Variants in FAM163A observed in about 807,000 individuals in gnomAD.
FAM163A encodes the protein family with sequence similarity 163 member A.
In FAM163A, 7 loss-of-function variants were observed where a neutral mutation model predicts 12.0. The observed-to-expected ratio is 0.58, with a 90% confidence interval of 0.33 to 1.10. The LOEUF (loss-of-function observed/expected upper bound fraction) is 1.10, where lower values mean the gene tolerates loss of function less well. Ranked by LOEUF, FAM163A falls within the 50% of genes least tolerant of loss-of-function variation. The pLI, the probability that FAM163A is intolerant of heterozygous loss-of-function variation, is 0.03. For synonymous variants in FAM163A, 101 were observed against 91.0 expected, an observed-to-expected ratio of 1.11 and a Z score of -0.62; for missense variants, 202 against 218.6, an observed-to-expected ratio of 0.92 and a Z score of 0.48.
chr1:179,796,166 C>G (rs892820699), intron 1 of FAM163A, among the ~76,000 whole-genome samples: 2 of 150,760 alleles, frequency 1.3e-5, no homozygotes, highest in African/African-American at 4.9e-5. Flanking sequence ...CACACACAAA[C>G]TTAAGGTTTG....
At chr1:179,753,228 G>GT (rs1456644938) in intron 1 of FAM163A, among the ~76,000 whole-genome samples, 2 of 152,198 alleles carry the variant, frequency 1.3e-5, no homozygotes, top group African/African-American at 4.8e-5. Flanking sequence ...GACAAATACT[G>GT]TATCATTCCA....
Position 179,749,172 on chromosome 1 carries a change from A to G in FAM163A, c.-136+5749A>G, listed in dbSNP as rs1684911539. On this transcript the variant is annotated intron_variant, in intron 1 of 4. Coordinates refer to ENST00000341785, the MANE Select transcript of FAM163A (RefSeq NM_173509.3). The stretch of plus-strand genomic sequence containing the variant: ...TGTTTGTTTATTCTCTCATTCATCT[A>G]CTCTTGCATTCCAAAAACATGATCT... 2.0e-5 allele frequency among the ~76,000 whole-genome samples: 3 copies of G among 151,922 alleles called. 1 individual carries two copies.
Position 179,814,502 on chromosome 1 carries a change from C to T in FAM163A, c.*313C>T. ...ACCCCTTGCAGTGTGCCCCAGTCCCCTGGATTCGCTGGACTGCAAAAAGGA... is the reference window on the plus strand; with the variant it reads ...ACCCCTTGCAGTGTGCCCCAGTCCCTTGGATTCGCTGGACTGCAAAAAGGA... On this transcript the variant is annotated 3_prime_UTR_variant, in exon 5 of 5. Coordinates refer to ENST00000341785, the MANE Select transcript of FAM163A (RefSeq NM_173509.3). 1 of 287,990 alleles carries T rather than the reference C, an allele frequency of 3.5e-6. No homozygotes were observed. Among genetic ancestry groups the T allele is most frequent in the African/African-American group, 2.2e-5 (1 of 45,586 alleles). The allele number at this position is 287,990 out of a possible 1,614,324, so 17.8% of individuals were successfully genotyped here. A position where few individuals can be genotyped will look rare whatever the true frequency, so the allele number is the denominator to read the frequency against.
At chr1:179,750,589 G>A (rs1197527519) in intron 1 of FAM163A, among the ~76,000 whole-genome samples, 4 of 152,094 alleles carry the variant, frequency 2.6e-5, no homozygotes, top group Non-Finnish European at 5.9e-5. Flanking sequence ...AGAATGAGAG[G>A]GGAAATCATA....
chr1:179,745,956 A>G (rs1684409587), intron 1 of FAM163A, among the ~76,000 whole-genome samples: 1 of 152,208 alleles, frequency 6.6e-6, no homozygotes, highest in African/African-American at 2.4e-5. Flanking sequence ...TCCAAGAGAT[A>G]TTTATAACCC....
chr1:179,746,547 A>G (rs540211426), intron 1 of FAM163A, among the ~76,000 whole-genome samples: 2 of 152,364 alleles, frequency 1.3e-5, no homozygotes, highest in South Asian at 4.1e-4. Flanking sequence ...AAGAGGAAGG[A>G]GAGTCTTAGG....
intron 1 of FAM163A, among the ~76,000 whole-genome samples, chr1:179,799,442 G>T (rs1213627046): frequency 6.6e-6 from 1 of 152,250 alleles, no homozygotes; most frequent in Non-Finnish European, 1.5e-5. Context: ...AGCCAGGGTG[G>T]CATGGAGATG....
At position 179,814,280 on chromosome 1, in the gene FAM163A, G is replaced by C; in HGVS notation, c.*91G>C. ...AATGACCCTCCAACAGCCCCACATGGGTTGTTTCTGTTTCTTTGGCTTTTC... is the reference window on the plus strand; with the variant it reads ...AATGACCCTCCAACAGCCCCACATGCGTTGTTTCTGTTTCTTTGGCTTTTC... On this transcript the variant is annotated 3_prime_UTR_variant, in exon 5 of 5. Transcript: ENST00000341785. The C allele has an allele frequency of 6.8e-7, 1 of 1,467,414 alleles. No individual in the cohort carries two copies. Among genetic ancestry groups the C allele is most frequent in the Non-Finnish European group, 9.1e-7 (1 of 1,098,108 alleles). 90.9% of individuals were successfully genotyped at this position (1,467,414 alleles called of 1,614,324 possible). A position where few individuals can be genotyped will look rare whatever the true frequency, so the allele number is the denominator to read the frequency against.
At chr1:179,742,947 A>G (rs1363393215), upstream of FAM163A, among the ~76,000 whole-genome samples, 1 of 152,280 alleles carries the variant, frequency 6.6e-6, no homozygotes, top group Non-Finnish European at 1.5e-5. Context: ...GTCTCTTTCC[A>G]GTGGATAGCG....
At chr1:179,762,332 A>G (rs1348376536) in intron 1 of FAM163A, among the ~76,000 whole-genome samples, 1 of 152,086 alleles carries the variant, frequency 6.6e-6, no homozygotes, top group Non-Finnish European at 1.5e-5. Context: ...TCTTTTTTCC[A>G]GGGCTGCAGA....
At chr1:179,767,957 A>G (rs1484181530) in intron 1 of FAM163A, among the ~76,000 whole-genome samples, 1 of 152,138 alleles carries the variant, frequency 6.6e-6, no homozygotes, top group Non-Finnish European at 1.5e-5. Context: ...GATAATTTTC[A>G]TCTTGAAAAA....
At chr1:179,763,209 A>C (rs1687048038) in intron 1 of FAM163A, among the ~76,000 whole-genome samples, 1 of 152,196 alleles carries the variant, frequency 6.6e-6, no homozygotes, top group Non-Finnish European at 1.5e-5. Flanking sequence ...TGATTTAGCC[A>C]TGCTTCTCTT....
chr1:179,794,476 A>G (rs16854720), intron 1 of FAM163A, among the ~76,000 whole-genome samples: 30,995 of 152,072 alleles, frequency 0.2, 3,667 homozygotes, highest in African/African-American at 0.33. Flanking sequence ...TGGAATCTGG[A>G]TTTTAAACTA....
At chr1:179,728,941 G>T in the FAM163A span, among the ~76,000 whole-genome samples, 5 of 152,176 alleles carry the variant, frequency 3.3e-5, no homozygotes, top group African/African-American at 1.2e-4. Flanking sequence ...CTGTTAAAGC[G>T]TCAGTTAACC....
upstream of FAM163A, chr1:179,742,235 T>G (rs1385273473): frequency 6.6e-6 from 1 of 152,220 alleles, no homozygotes; most frequent in Admixed American, 6.5e-5. Flanking sequence ...GCTAAATTTC[T>G]TACTCCCCTT....
At chr1:179,803,725 C>G (rs1410106307) in intron 1 of FAM163A, among the ~76,000 whole-genome samples, 1 of 151,892 alleles carries the variant, frequency 6.6e-6, no homozygotes, top group Admixed American at 6.6e-5. Context: ...CGTGCTACCA[C>G]GCCCGGCTAA....
Position 179,814,307 on chromosome 1 carries a change from C to T in FAM163A, c.*118C>T, listed in dbSNP as rs906884095. 15 of 1,336,646 alleles carry T rather than the reference C, an allele frequency of 1.1e-5. No individual in the cohort carries two copies. The highest frequency in any genetic ancestry group is 1.4e-5 in the Non-Finnish European group (14 of 991,040). The allele number at this position is 1,336,646 out of a possible 1,614,324, so 82.8% of individuals were successfully genotyped here. ...TTGTTTCTGTTTCTTTGGCTTTTCT[C>T]GCTCCGCAGTGGAGGGTTTACTAGG... On this transcript the variant is annotated 3_prime_UTR_variant, in exon 5 of 5. Transcript: ENST00000341785.
At chr1:179,782,967 A>T (rs1269340406) in intron 1 of FAM163A, among the ~76,000 whole-genome samples, 2 of 152,108 alleles carry the variant, frequency 1.3e-5, no homozygotes, top group Non-Finnish European at 2.9e-5. Context: ...CCATTCATTC[A>T]TTCATGTACA....
the FAM163A span, among the ~76,000 whole-genome samples, chr1:179,732,799 T>A: frequency 7.3e-6 from 1 of 137,894 alleles, no homozygotes; most frequent in Non-Finnish European, 1.5e-5. Flanking sequence ...GAGAATCGCT[T>A]GAACCCGGGA....
Sources: allele counts gnomAD v4.1 joint callset (sites outside exome capture counted in the v4.1 genomes callset), GRCh38; gene constraint gnomAD v4.1.1; transcripts MANE v1.5; gene names NCBI Gene and HGNC (gene_info 2026-07-23, HGNC 2026-07-21).